The following FTO variants were observed in gnomAD, a reference collection of about 807,000 sequenced individuals.
The protein encoded by FTO is alpha-ketoglutarate-dependent dioxygenase FTO.
A neutral mutation model predicts 63.9 loss-of-function variants in FTO; 47 were observed. That is an observed-to-expected ratio of 0.74 (90% CI 0.58 to 0.94). The LOEUF is 0.94. FTO is among the 40% of genes least tolerant of loss of function. FTO has a pLI of 0.00. For synonymous variants in FTO, 207 were observed against 224.4 expected (o/e 0.92, Z 0.69); for missense variants, 562 against 618.1 (o/e 0.91, Z 0.96).
chr16:53,862,289 T>C (rs962998571), intron 4 of FTO, among the ~76,000 whole-genome samples: 6 of 152,046 alleles, frequency 3.9e-5, no homozygotes, highest in Admixed American at 1.3e-4. Flanking sequence ...CCAACAACTC[T>C]ATGGATATCG....
At chr16:53,968,715 A>G (rs1352339623) in intron 8 of FTO, among the ~76,000 whole-genome samples, 1 of 152,242 alleles carries the variant, frequency 6.6e-6, no homozygotes, top group Non-Finnish European at 1.5e-5. Flanking sequence ...AATGAGAACC[A>G]TAAAAGGAGA....
chr16:53,734,810 T>G (rs1408053942), intron 1 of FTO, among the ~76,000 whole-genome samples: 1 of 152,206 alleles, frequency 6.6e-6, no homozygotes, highest in Non-Finnish European at 1.5e-5. Flanking sequence ...CATGTAACTG[T>G]GTTCAGGGTA....
intron 4 of FTO, among the ~76,000 whole-genome samples, chr16:53,856,804 A>G (rs2080013814): frequency 6.6e-6 from 1 of 152,058 alleles, no homozygotes; most frequent in African/African-American, 2.4e-5. Flanking sequence ...TAAGATACAT[A>G]CCTAAAGGTA....
At position 53,934,119 on chromosome 16, in the gene FTO, G is replaced by C. The variant is rs749024572; in HGVS notation, c.1364+10G>C. On this transcript the variant is annotated intron_variant, in intron 8 of 8. Coordinates refer to ENST00000471389, the MANE Select transcript of FTO (RefSeq NM_001080432.3). ...GAGAATGGCATGCCAGGTTAGTTCT[G>C]TTGTGAAATGGGATTTGTTGTTCTT... 1.3e-4 allele frequency: 202 copies of C among 1,613,926 alleles called. No homozygotes were observed. Among genetic ancestry groups the C allele is most frequent in the East Asian group, 1.1e-4 (5 of 44,890 alleles).
At position 54,119,561 on chromosome 16, in the gene FTO, C is replaced by T. The variant is rs773027191; in HGVS notation, c.*7646C>T. On this transcript the variant is annotated 3_prime_UTR_variant, in exon 9 of 9. Transcript: ENST00000471389. ...CCTCCTCTGCTCCCAACCAGGGTCACGCTGAGAGGGATCTCGGTGAACATG... is the reference window on the plus strand; with the variant it reads ...CCTCCTCTGCTCCCAACCAGGGTCATGCTGAGAGGGATCTCGGTGAACATG... 3 of 152,070 alleles carry T rather than the reference C, an allele frequency of 2.0e-5. No individual in the cohort carries two copies. The highest frequency in any genetic ancestry group is 2.1e-4 in the South Asian group (1 of 4,806). 9.4% of individuals were successfully genotyped at this position (152,070 alleles called of 1,614,324 possible).
chr16:53,739,953 G>A (rs1369290412), intron 1 of FTO, among the ~76,000 whole-genome samples: 1 of 152,054 alleles, frequency 6.6e-6, no homozygotes, highest in Non-Finnish European at 1.5e-5. Flanking sequence ...ATCTATAGAG[G>A]GAACAAGAAT....
intron 8 of FTO, chr16:54,000,086 A>G (rs935106668): frequency 2.0e-5 from 3 of 152,206 alleles, no homozygotes; most frequent in Admixed American, 1.3e-4. Flanking sequence ...TTTATACTCT[A>G]TTAGAGCTTT....
intron 1 of FTO, among the ~76,000 whole-genome samples, chr16:53,752,355 ACTT>A (rs927963577): frequency 1.3e-5 from 2 of 152,140 alleles, no homozygotes; most frequent in African/African-American, 4.8e-5. Context: ...AAAAAATTAT[ACTT>A]TCTTTTCATG....
chr16:54,013,463 A>G (rs1473866249), intron 8 of FTO: 4 of 152,162 alleles, frequency 2.6e-5, no homozygotes, highest in African/African-American at 9.7e-5. Flanking sequence ...TTGATGAAGC[A>G]GTAGCAAGGT....
intron 8 of FTO, chr16:54,071,092 G>A (rs2085855447): frequency 6.6e-6 from 1 of 152,232 alleles, no homozygotes; most frequent in Non-Finnish European, 1.5e-5. Flanking sequence ...TCTCATGGCA[G>A]CCAGTACAGG....
chr16:53,927,812 C>T lies in FTO; in HGVS notation c.1240-6173C>T, dbSNP rs575923689. On this transcript the variant is annotated intron_variant, in intron 7 of 8. Coordinates refer to ENST00000471389, the MANE Select transcript of FTO (RefSeq NM_001080432.3). ...AGGATAAAGAGATAAAGATTTTCCA[C>T]CACTAGGGATATGCAAAAAGATATG... 2.0e-4 allele frequency among the ~76,000 whole-genome samples: 30 copies of T among 152,292 alleles called. No homozygotes were observed. In the South Asian group the frequency reaches 5.8e-3, roughly 29 times the overall value.
intron 7 of FTO, among the ~76,000 whole-genome samples, chr16:53,931,328 C>T (rs560711420): frequency 9.1e-6 from 1 of 110,478 alleles, no homozygotes; most frequent in East Asian, 2.8e-4. Flanking sequence ...TTTTTTAAGA[C>T]AGAGGTTCAC....
At chr16:53,752,867 C>T (rs1263920525) in intron 1 of FTO, among the ~76,000 whole-genome samples, 3 of 151,344 alleles carry the variant, frequency 2.0e-5, no homozygotes, top group Admixed American at 2.0e-4. Flanking sequence ...AAAGTAAACC[C>T]ATTCCCCCTA....
chr16:53,744,144 T>C (rs1280924998), intron 1 of FTO, among the ~76,000 whole-genome samples: 1 of 152,124 alleles, frequency 6.6e-6, no homozygotes, highest in Non-Finnish European at 1.5e-5. Context: ...TTCCTTTCTC[T>C]TGCCTACAAA....
At chr16:53,816,638 T>C (rs2078699620) in intron 2 of FTO, among the ~76,000 whole-genome samples, 1 of 152,106 alleles carries the variant, frequency 6.6e-6, no homozygotes. Context: ...CTGCAGATAT[T>C]GTATCCTTGT....
chr16:53,953,869 CA>C (rs1389142763), intron 8 of FTO, among the ~76,000 whole-genome samples: 1 of 152,186 alleles, frequency 6.6e-6, no homozygotes, highest in Non-Finnish European at 1.5e-5. Context: ...GTCCATTCTC[CA>C]CAGTGCATTT....
At chr16:53,802,409 T>G (rs2078251832) in intron 1 of FTO, among the ~76,000 whole-genome samples, 1 of 152,234 alleles carries the variant, frequency 6.6e-6, no homozygotes, top group African/African-American at 2.4e-5. Context: ...TGACATTGTT[T>G]GAATCCATAA....
In FTO at chr16:53,810,225, A is replaced by T; in HGVS notation, c.123+8A>T. On this transcript the variant is annotated splice_region_variant and intron_variant, in intron 2 of 8. Transcript: ENST00000471389. The stretch of plus-strand genomic sequence containing the variant: ...GATGAATTCTATCAGCAGGTAAGGT[A>T]TTTTAATATTTTTATCAGTTTCAGT... The T allele has an allele frequency of 6.4e-7, 1 of 1,567,072 alleles. No individual in the cohort carries two copies. Among genetic ancestry groups the T allele is most frequent in the Admixed American group, 1.7e-5 (1 of 59,946 alleles).
At chr16:53,878,925 C>G (rs2080744515) in intron 5 of FTO, among the ~76,000 whole-genome samples, 1 of 152,192 alleles carries the variant, frequency 6.6e-6, no homozygotes. Context: ...AGAATCTATT[C>G]TGCCAAGGAC....
Sources: gnomAD v4.1 joint callset for allele counts (sites outside exome capture counted in the v4.1 genomes callset) on GRCh38, gnomAD v4.1.1 for gene constraint, MANE v1.5 for transcripts, NCBI Gene and HGNC (gene_info 2026-07-23, HGNC 2026-07-21) for gene names.